ANO5: variants seen among roughly 807,000 people sequenced by gnomAD.
ANO5 encodes the protein anoctamin 5, also known as anoctamin-5.
In ANO5, 109 loss-of-function variants were observed where a neutral mutation model predicts 121.0. The observed-to-expected ratio is 0.90, with a 90% CI of 0.77 to 1.06. The LOEUF (loss-of-function observed/expected upper bound fraction) is 1.06. Among genes scored for constraint, ANO5 ranks in the 50% least tolerant of loss-of-function variants. The probability of loss-of-function intolerance (pLI) is 0.00; values close to 1 mark genes in which losing one functional copy is unlikely to be tolerated. For synonymous variants in ANO5, 406 were observed against 359.9 expected (o/e 1.13, Z -1.45); for missense variants, 1,064 against 1,078.5 (o/e 0.99, Z 0.19).
At chr11:22,273,058 T>C in intron 19 of ANO5, 69 bp downstream of exon 19, 1 of 1,412,498 alleles carries the variant, frequency 7.1e-7, no homozygotes, top group Non-Finnish European at 1.0e-6. Context: ...ATGTGAATGA[T>C]GCTTAATCTT....
At position 22,270,404 on chromosome 11, in the gene ANO5, T is replaced by A; in HGVS notation, c.1991T>A (p.Phe664Tyr). 1 of 1,614,172 alleles carries A rather than the reference T, an allele frequency of 6.2e-7. No individual in the cohort carries two copies. The highest frequency in any genetic ancestry group is 1.6e-4 in the Middle Eastern group (1 of 6,062). Residue 664 changes from phenylalanine to tyrosine, a missense_variant, in exon 18 of 22, where the codon TTT (phenylalanine) becomes TAT (tyrosine). By Grantham distance (22) the Phe-to-Tyr change is conservative (BLOSUM62 3). Coordinates refer to ENST00000324559, the MANE Select transcript of ANO5 (RefSeq NM_213599.3). Reference protein sequence around the residue: ...RWEQDHDLESFGPLGLFYEYL... With the variant: ...RWEQDHDLESYGPLGLFYEYL... Reference sequence around the variant, plus strand: ...GAGCAGGATCATGACCTTGAAAGTTTTGGACCCCTTGGGCTTTTCTATGAG... The same window carrying A: ...GAGCAGGATCATGACCTTGAAAGTTATGGACCCCTTGGGCTTTTCTATGAG...
At chr11:22,205,962 A>T (rs1052082330) in intron 2 of ANO5, among the ~76,000 whole-genome samples, 1 of 152,142 alleles carries the variant, frequency 6.6e-6, no homozygotes, top group Non-Finnish European at 1.5e-5. Context: ...AAGTAAACTG[A>T]ATGTGTAATT....
chr11:22,226,939 T>C (rs1361413527), intron 6 of ANO5, among the ~76,000 whole-genome samples: 1 of 152,112 alleles, frequency 6.6e-6, no homozygotes, highest in Non-Finnish European at 1.5e-5. Context: ...TTTGAGCTTA[T>C]AGCTAGTTAC....
At chr11:22,209,738 A>C (rs1382134037) in intron 2 of ANO5, among the ~76,000 whole-genome samples, 1 of 151,938 alleles carries the variant, frequency 6.6e-6, no homozygotes, top group Non-Finnish European at 1.5e-5. Context: ...ATTTTATTTT[A>C]CATTCTGCAA....
chr11:22,267,630 T>TA (rs1564946945), intron 17 of ANO5, among the ~76,000 whole-genome samples: 1 of 41,602 alleles, frequency 2.4e-5, no homozygotes, highest in Non-Finnish European at 4.6e-5. Flanking sequence ...TCTTTTTTTT[T>TA]AACTGTTCAG....
intron 2 of ANO5, among the ~76,000 whole-genome samples, chr11:22,208,777 G>T (rs953895103): frequency 6.6e-6 from 1 of 151,774 alleles, no homozygotes; most frequent in Non-Finnish European, 1.5e-5. Context: ...TATTATTTTG[G>T]CAAATTCCTG....
At chr11:22,269,628 T>C (rs1175954258) in intron 17 of ANO5, among the ~76,000 whole-genome samples, 1 of 151,982 alleles carries the variant, frequency 6.6e-6, no homozygotes, top group Non-Finnish European at 1.5e-5. Context: ...TAGATATTTC[T>C]GATAAGACTG....
intron 10 of ANO5, 44 bp downstream of exon 10, chr11:22,250,415 T>G: frequency 6.2e-7 from 1 of 1,609,086 alleles, no homozygotes; most frequent in Non-Finnish European, 8.5e-7. Flanking sequence ...CATCTTTATC[T>G]TGTGCCAAAT....
At chr11:22,274,292 C>A (rs1368808948) in intron 19 of ANO5, among the ~76,000 whole-genome samples, 1 of 151,818 alleles carries the variant, frequency 6.6e-6, no homozygotes. Context: ...AAATAGAAAG[C>A]CTTGATGGAA....
chr11:22,253,214 G>A (rs1209427421), intron 12 of ANO5, among the ~76,000 whole-genome samples: 2 of 152,068 alleles, frequency 1.3e-5, no homozygotes, highest in Non-Finnish European at 2.9e-5. Context: ...TGAATCCTGT[G>A]ATTCCTATAT....
intron 6 of ANO5, among the ~76,000 whole-genome samples, chr11:22,226,630 CAGG>C (rs1852842618): frequency 6.6e-6 from 1 of 152,036 alleles, no homozygotes; most frequent in African/African-American, 2.4e-5. Context: ...GAGGCCAAAG[CAGG>C]AGGATTGCTG....
At chr11:22,244,566 G>C (rs1464325650) in intron 9 of ANO5, among the ~76,000 whole-genome samples, 1 of 149,284 alleles carries the variant, frequency 6.7e-6, no homozygotes. Context: ...AAATTTCTTG[G>C]AGGTTTTGTT....
At chr11:22,195,793 T>C (rs962859012) in intron 1 of ANO5, among the ~76,000 whole-genome samples, 9 of 152,172 alleles carry the variant, frequency 5.9e-5, no homozygotes, top group Non-Finnish European at 2.9e-5. Context: ...TGATCCAAAT[T>C]GTGCCTCTGA....
chr11:22,262,828 A>T, intron 16 of ANO5, 118 bp from the exon 17 acceptor site: 1 of 808,318 alleles, frequency 1.2e-6, no homozygotes, highest in Non-Finnish European at 2.1e-6. Flanking sequence ...AATATATCTT[A>T]ACCCTTCCAA....
At chr11:22,198,260 A>T (rs1851867316) in intron 1 of ANO5, among the ~76,000 whole-genome samples, 1 of 152,174 alleles carries the variant, frequency 6.6e-6, no homozygotes, top group African/African-American at 2.4e-5. Context: ...GCTGCATTCA[A>T]GGTGGTATGG....
intron 21 of ANO5, among the ~76,000 whole-genome samples, chr11:22,276,610 C>T (rs182594098): frequency 2.6e-5 from 4 of 151,820 alleles, no homozygotes; most frequent in Non-Finnish European, 4.4e-5. Context: ...GCTGGCTTAA[C>T]GTTAACTAAC....
intron 2 of ANO5, among the ~76,000 whole-genome samples, chr11:22,205,607 G>A (rs60117207): frequency 0.024 from 3,574 of 151,746 alleles, 137 homozygotes; most frequent in African/African-American, 0.081. Context: ...CAACCCCAAA[G>A]CAAGTAGAAG....
intron 8 of ANO5, 49 bp downstream of exon 8, chr11:22,236,325 A>G (rs768459122): frequency 1.8e-5 from 26 of 1,421,568 alleles, no homozygotes; most frequent in Non-Finnish European, 2.3e-5. Context: ...TCCTCCTGCC[A>G]TGTTCATTAC....
At chr11:22,243,860 A>G (rs1317624979) in intron 9 of ANO5, among the ~76,000 whole-genome samples, 1 of 152,276 alleles carries the variant, frequency 6.6e-6, no homozygotes, top group African/African-American at 2.4e-5. Context: ...TGAAGAACCA[A>G]TACTTGGTTT....
Sources: allele counts gnomAD v4.1 joint callset (sites outside exome capture counted in the v4.1 genomes callset), GRCh38; gene constraint gnomAD v4.1.1; transcripts MANE v1.5; gene names NCBI Gene and HGNC (gene_info 2026-07-23, HGNC 2026-07-21).